The following PRKN variants were observed in gnomAD, a reference collection of about 807,000 sequenced individuals.
The protein encoded by PRKN is parkin RBR E3 ubiquitin protein ligase, also known as E3 ubiquitin-protein ligase parkin.
A neutral mutation model predicts 59.5 loss-of-function variants in PRKN; 56 were observed. The observed-to-expected ratio is 0.94, with a 90% CI of 0.76 to 1.18. The LOEUF (loss-of-function observed/expected upper bound fraction) is 1.18, where lower values mean the gene tolerates loss of function less well. Ranked by LOEUF, PRKN falls within the 50% of genes most tolerant of loss-of-function variation. The pLI is 0.00. For synonymous variants in PRKN, 250 were observed against 222.1 expected (o/e 1.13, Z -1.12); for missense variants, 657 against 596.4 (o/e 1.10, Z -1.06).
intron 9 of PRKN, among the ~76,000 whole-genome samples, chr6:161,510,108 G>A (rs574894190): frequency 5.5e-4 from 84 of 152,158 alleles, no homozygotes; most frequent in Non-Finnish European, 9.6e-4. Context: ...ATCGTTGAGA[G>A]GCATGTTCTT....
chr6:162,236,748 T>C (rs531655148), intron 3 of PRKN, among the ~76,000 whole-genome samples: 78 of 151,572 alleles, frequency 5.1e-4, no homozygotes, highest in African/African-American at 1.5e-3. Flanking sequence ...TGAGCCGAGA[T>C]TGCACCATTG....
chr6:162,668,103 C>T (rs1779172328), intron 1 of PRKN, among the ~76,000 whole-genome samples: 1 of 152,070 alleles, frequency 6.6e-6, no homozygotes, highest in Admixed American at 6.6e-5. Context: ...ATTCTTTGAA[C>T]CATTAGAGTA....
intron 1 of PRKN, among the ~76,000 whole-genome samples, chr6:162,619,378 C>T (rs1362830756): frequency 6.6e-6 from 1 of 151,328 alleles, no homozygotes; most frequent in East Asian, 1.9e-4. Flanking sequence ...CATCTCTTGA[C>T]CTCGCAATCC....
At chr6:162,359,079 AATATAT>A (rs1554304695) in intron 2 of PRKN, among the ~76,000 whole-genome samples, 1 of 83,274 alleles carries the variant, frequency 1.2e-5, no homozygotes, top group African/African-American at 7.3e-5. Context: ...AAAAAAAAAA[AATATAT>A]ATATATATAT....
intron 9 of PRKN, among the ~76,000 whole-genome samples, chr6:161,479,273 T>G (rs1008241124): frequency 3.3e-5 from 5 of 152,050 alleles, no homozygotes; most frequent in African/African-American, 1.2e-4. Context: ...CATAAAACAC[T>G]ATCTACGCAT....
chr6:161,996,435 C>T (rs56860386), intron 5 of PRKN, among the ~76,000 whole-genome samples: 3,132 of 152,206 alleles, frequency 0.021, 114 homozygotes, highest in African/African-American at 0.072. Flanking sequence ...TTAAACCCCG[C>T]TTATTTTCTT....
intron 6 of PRKN, among the ~76,000 whole-genome samples, chr6:161,847,436 G>T (rs937185359): frequency 3.9e-5 from 6 of 152,170 alleles, no homozygotes; most frequent in Non-Finnish European, 5.9e-5. Flanking sequence ...CCTTGCCCAA[G>T]GGCAGAGAAG....
At chr6:162,389,462 A>C (rs1195027358) in intron 2 of PRKN, among the ~76,000 whole-genome samples, 1 of 151,676 alleles carries the variant, frequency 6.6e-6, no homozygotes, top group Non-Finnish European at 1.5e-5. Flanking sequence ...AAAAGAAATA[A>C]AAAACCTTTG....
chr6:161,489,562 AAAC>A (rs750796340), intron 9 of PRKN, among the ~76,000 whole-genome samples: 1 of 152,200 alleles, frequency 6.6e-6, no homozygotes, highest in South Asian at 2.1e-4. Context: ...TCCATCTCAA[AAAC>A]AACAACAACA....
intron 6 of PRKN, among the ~76,000 whole-genome samples, chr6:161,941,295 A>G (rs1226634894): frequency 1.3e-5 from 2 of 152,120 alleles, no homozygotes; most frequent in African/African-American, 4.8e-5. Context: ...TCAGCAGAGG[A>G]ACACACCGGG....
At chr6:161,984,711 C>T (rs1172446209) in intron 5 of PRKN, among the ~76,000 whole-genome samples, 6 of 152,198 alleles carry the variant, frequency 3.9e-5, no homozygotes, top group Non-Finnish European at 8.8e-5. Flanking sequence ...TAATCTATCA[C>T]TGGGGAATTT....
At chr6:162,422,072 G>C (rs1788998888) in intron 2 of PRKN, among the ~76,000 whole-genome samples, 1 of 152,100 alleles carries the variant, frequency 6.6e-6, no homozygotes, top group African/African-American at 2.4e-5. Flanking sequence ...TTTGCCACTG[G>C]GAATTCTTTA....
rs1440669701 is a variant in PRKN, at chr6:161,377,561, C to T, written c.1167+9233G>A. ...AAAGAGTGGTGAGGGGAGACCCTGT[C>T]AATAAGCAGAGCCTTGGGCAACGCA... On this transcript the variant is annotated intron_variant, in intron 10 of 11. Coordinates refer to ENST00000366898, the MANE Select transcript of PRKN (RefSeq NM_004562.3). The surrounding 1 kb of genome is among the most constrained non-coding windows in gnomAD (Gnocchi z 4.2). Among the ~76,000 whole-genome samples the T allele has an allele frequency of 1.3e-5, 2 of 152,198 alleles. No individual in the cohort carries two copies. Among genetic ancestry groups the T allele is most frequent in the African/African-American group, 4.8e-5 (2 of 41,452 alleles).
rs942823637 is a variant in PRKN, at chr6:161,463,164, G to A, written c.1084-76287C>T. On this transcript the variant is annotated intron_variant, in intron 9 of 11. Transcript: ENST00000366898. This position sits in a 1 kb window ranked among gnomAD's most constrained non-coding sequence, Gnocchi z 4.8. ...TCAGTGATATATTATTGAAGAAGGT[G>A]GCATGGGGCACCAGTAGAATTCCTG... Among the ~76,000 whole-genome samples, 1 of 152,170 alleles carries A rather than the reference G, an allele frequency of 6.6e-6. No individual in the cohort carries two copies. The highest frequency in any genetic ancestry group is 2.4e-5 in the African/African-American group (1 of 41,436).
chr6:161,576,830 A>T lies in PRKN; in HGVS notation c.872-7414T>A, dbSNP rs1053294952. On this transcript the variant is annotated intron_variant, in intron 7 of 11. Transcript: ENST00000366898. This position sits in a 1 kb window ranked among gnomAD's most constrained non-coding sequence, Gnocchi z 4.6. The stretch of plus-strand genomic sequence containing the variant: ...ACAGATTTTTAGGAATTGAGTTAAT[A>T]TGAGTTAGCTAGAGTGAAATGTATC... 6.6e-6 allele frequency among the ~76,000 whole-genome samples: 1 copy of T among 152,240 alleles called. No homozygotes were observed.
chr6:162,508,232 T>C (rs996392963), intron 1 of PRKN, among the ~76,000 whole-genome samples: 11 of 152,146 alleles, frequency 7.2e-5, no homozygotes, highest in Non-Finnish European at 1.2e-4. Context: ...GAGAACAGTA[T>C]GGGGGAAACT....
intron 7 of PRKN, among the ~76,000 whole-genome samples, chr6:161,671,163 G>T (rs762721874): frequency 3.9e-5 from 6 of 152,118 alleles, no homozygotes; most frequent in Non-Finnish European, 8.8e-5. Flanking sequence ...TGCATGGGGA[G>T]GGGCTTGTGT....
At chr6:161,618,009 G>C (rs1053930464) in intron 7 of PRKN, among the ~76,000 whole-genome samples, 2 of 152,194 alleles carry the variant, frequency 1.3e-5, no homozygotes, top group Non-Finnish European at 2.9e-5. Flanking sequence ...CAGTGTATGG[G>C]ACACCAAACG....
chr6:162,260,257 A>C (rs1307221070), intron 3 of PRKN, among the ~76,000 whole-genome samples: 1 of 152,130 alleles, frequency 6.6e-6, no homozygotes, highest in East Asian at 1.9e-4. Flanking sequence ...AAACAGGGTG[A>C]TCAGAGGTTA....
Sources: allele counts gnomAD v4.1 joint callset (sites outside exome capture counted in the v4.1 genomes callset), GRCh38; gene constraint gnomAD v4.1.1; non-coding constraint Gnocchi (gnomAD v3.1); transcripts MANE v1.5; gene names NCBI Gene and HGNC (gene_info 2026-07-23, HGNC 2026-07-21).